Variants in USP54 observed in about 807,000 individuals in gnomAD.
The protein encoded by USP54 is ubiquitin specific peptidase 54.
Under a neutral mutation model 170.5 loss-of-function variants are expected in USP54, and 87 were observed. The observed-to-expected ratio is 0.51, with a 90% CI of 0.43 to 0.61. The LOEUF (loss-of-function observed/expected upper bound fraction) is 0.61. USP54 is among the 20% of genes least tolerant of loss of function. USP54 has a pLI of 0.00. For missense variants in USP54, 1,786 were observed against 2,047.8 expected (o/e 0.87, Z 2.47); for synonymous variants, 655 against 742.8 (o/e 0.88, Z 1.92).
intron 1 of USP54, among the ~76,000 whole-genome samples, chr10:73,587,392 G>A (rs555350956): frequency 6.3e-4 from 96 of 152,130 alleles, no homozygotes; most frequent in African/African-American, 2.3e-3. Flanking sequence ...GGAGAATGGC[G>A]TGAACCTGGG....
At chr10:73,516,037 C>T (rs375111954) in intron 20 of USP54, 11 of 186,236 alleles carry the variant, frequency 5.9e-5, no homozygotes, top group African/African-American at 2.1e-4. Context: ...CCGCCTCGAC[C>T]TCCCAAAGTG....
At position 73,561,054 on chromosome 10, in the gene USP54, G is replaced by A. The variant is rs1185229994; in HGVS notation, c.240+10367C>T. Among the ~76,000 whole-genome samples, 10 of 139,164 alleles carry A rather than the reference G, an allele frequency of 7.2e-5. 1 individual carries two copies. In the South Asian group the frequency reaches 2.3e-3, roughly 31 times the overall value. 91.3% of individuals were successfully genotyped at this position (139,164 alleles called of 152,430 possible). On this transcript the variant is annotated intron_variant, in intron 4 of 23. Transcript: ENST00000687698. The stretch of plus-strand genomic sequence containing the variant: ...CGGGAGGCAGAGGTTGCAGTGAGCC[G>A]AGATCATGCTATTGCACTCCAGCCT...
At chr10:73,549,634 C>T (rs1471501195) in intron 4 of USP54, among the ~76,000 whole-genome samples, 4 of 152,096 alleles carry the variant, frequency 2.6e-5, no homozygotes, top group Non-Finnish European at 2.9e-5. Flanking sequence ...AGACCCTATT[C>T]CACTCTCAAA....
chr10:73,593,158 A>C (rs537149407), upstream of USP54, among the ~76,000 whole-genome samples: 4 of 152,158 alleles, frequency 2.6e-5, no homozygotes, highest in South Asian at 6.2e-4. Flanking sequence ...CAGGAGTTCA[A>C]GACCAGCCTG....
chr10:73,544,100 G>A (rs1191130445), intron 5 of USP54, among the ~76,000 whole-genome samples: 1 of 151,990 alleles, frequency 6.6e-6, no homozygotes, highest in East Asian at 1.9e-4. Context: ...GTGCCACCAC[G>A]CCTGGCTAAG....
chr10:73,517,556 G>C lies in USP54; in HGVS notation c.2870C>G (p.Thr957Ser), dbSNP rs2061250520. The change falls in exon 20 of 24, where the codon ACT becomes AGT. Residue 957 changes from threonine to serine, a missense_variant. This residue lies in a region of USP54 where 1,418 missense variants were observed against 1,569.0 expected (regional missense o/e 0.90). Coordinates refer to ENST00000687698, the MANE Select transcript of USP54 (RefSeq NM_001391956.1). Reference protein sequence around the residue: ...SPSRSALKLLTSVEVDNIEPS... With the variant: ...SPSRSALKLLSSVEVDNIEPS... ...TTCAATGTTGTCTACTTCAACCGAAGTCAGAAGCTTCAAGGCAGATCTACT... is the reference window on the plus strand; with the variant it reads ...TTCAATGTTGTCTACTTCAACCGAACTCAGAAGCTTCAAGGCAGATCTACT... 1.2e-6 allele frequency: 2 copies of C among 1,614,106 alleles called. No homozygotes were observed. Among genetic ancestry groups the C allele is most frequent in the African/African-American group, 2.7e-5 (2 of 74,924 alleles).
chr10:73,573,205 C>T (rs552741920), intron 3 of USP54, among the ~76,000 whole-genome samples: 7 of 151,892 alleles, frequency 4.6e-5, no homozygotes, highest in African/African-American at 7.2e-5. Context: ...GTGGGAGGAC[C>T]GCTTGAGCCC....
At chr10:73,589,856 G>A (rs992514685) in intron 1 of USP54, among the ~76,000 whole-genome samples, 3 of 152,122 alleles carry the variant, frequency 2.0e-5, no homozygotes, top group African/African-American at 7.2e-5. Context: ...GGGGCAGGAG[G>A]TGAAGGGATG....
chr10:73,578,126 C>T (rs1236129767), intron 1 of USP54, among the ~76,000 whole-genome samples: 1 of 152,188 alleles, frequency 6.6e-6, no homozygotes, highest in Non-Finnish European at 1.5e-5. Flanking sequence ...AAAAGATTCT[C>T]AGGCTCTGAA....
intron 20 of USP54, among the ~76,000 whole-genome samples, chr10:73,514,356 G>T (rs1258115593): frequency 6.6e-6 from 1 of 151,430 alleles, no homozygotes; most frequent in Non-Finnish European, 1.5e-5. Flanking sequence ...TGAGGTTAGG[G>T]CTTCGAGATG....
At chr10:73,547,230 C>T (rs1196751479) in intron 4 of USP54, among the ~76,000 whole-genome samples, 7 of 152,048 alleles carry the variant, frequency 4.6e-5, no homozygotes, top group African/African-American at 1.5e-4. Context: ...GGTGAAACCC[C>T]GTCTCTACTA....
chr10:73,557,976 G>C (rs2071622987), intron 4 of USP54, among the ~76,000 whole-genome samples: 2 of 145,948 alleles, frequency 1.4e-5, no homozygotes, highest in African/African-American at 5.1e-5. Flanking sequence ...CTCGCCTCCA[G>C]GGTTCAAGTG....
chr10:73,519,477 C>A, intron 19 of USP54: 2 of 305,084 alleles, frequency 6.6e-6, no homozygotes, highest in Non-Finnish European at 6.3e-6. Flanking sequence ...GAAATGTAGC[C>A]TGGATTGCCA....
intron 1 of USP54, among the ~76,000 whole-genome samples, chr10:73,607,595 C>T (rs1369235643): frequency 2.6e-5 from 4 of 151,088 alleles, no homozygotes; most frequent in Non-Finnish European, 4.4e-5. Context: ...TTTTGGGAGC[C>T]GGAGGAGGAT....
At chr10:73,551,824 C>T (rs1376640854) in intron 4 of USP54, among the ~76,000 whole-genome samples, 1 of 152,200 alleles carries the variant, frequency 6.6e-6, no homozygotes, top group Non-Finnish European at 1.5e-5. Context: ...TAGTTCTATA[C>T]AAATCTGAAA....
At chr10:73,531,717 A>T (rs960403726) in intron 12 of USP54, among the ~76,000 whole-genome samples, 2 of 152,218 alleles carry the variant, frequency 1.3e-5, no homozygotes, top group Non-Finnish European at 2.9e-5. Flanking sequence ...TCTTCACGAA[A>T]CTTGGCTCCA....
intron 1 of USP54, among the ~76,000 whole-genome samples, chr10:73,601,766 T>C (rs1300028787): frequency 3.3e-5 from 5 of 152,204 alleles, no homozygotes; most frequent in Admixed American, 2.0e-4. Flanking sequence ...AAGTCTTTCC[T>C]TATACATGCC....
Position 73,539,563 on chromosome 10 carries a change from T to G in USP54, c.856A>C (p.Lys286Gln). ...LFFRVTDDRA[K>Q]QSELYLVGMI... is the part of the protein sequence containing the mutation. ...CCAACTAAGTACAGTTCAGATTGCT[T>G]GGCCCGGTCATCCGTCACTCTGAAA... Residue 286 changes from lysine to glutamine, a missense_variant, in exon 10 of 24, where the codon AAG becomes CAG. Coordinates refer to ENST00000687698, the MANE Select transcript of USP54 (RefSeq NM_001391956.1). 6.2e-7 allele frequency: 1 copy of G among 1,608,606 alleles called. No individual in the cohort carries two copies. Among genetic ancestry groups the G allele is most frequent in the Non-Finnish European group, 8.5e-7 (1 of 1,176,390 alleles).
At chr10:73,551,814 T>C (rs528394882) in intron 4 of USP54, among the ~76,000 whole-genome samples, 1 of 152,368 alleles carries the variant, frequency 6.6e-6, no homozygotes, top group African/African-American at 2.4e-5. Context: ...ATTTCCAGGA[T>C]AGTTCTATAC....
Sources: allele counts gnomAD v4.1 joint callset (sites outside exome capture counted in the v4.1 genomes callset), GRCh38; gene constraint gnomAD v4.1.1; regional missense constraint gnomAD v4.1.1; transcripts MANE v1.5; gene names NCBI Gene and HGNC (gene_info 2026-07-23, HGNC 2026-07-21).